The following CSMD2 variants were observed in gnomAD, a reference collection of about 807,000 sequenced individuals.
CSMD2 encodes the protein CUB and Sushi multiple domains 2.
In CSMD2, 130 loss-of-function variants were observed where a neutral mutation model predicts 398.5. That is an observed-to-expected ratio of 0.33 (90% CI 0.28 to 0.38). The LOEUF is 0.38. CSMD2 is among the 10% of genes least tolerant of loss of function. The probability of loss-of-function intolerance (pLI) is 1.00; values close to 1 mark genes in which losing one functional copy is unlikely to be tolerated. For synonymous variants in CSMD2, 1,828 were observed against 1,908.5 expected (o/e 0.96, Z 1.10); for missense variants, 3,829 against 4,764.9 (o/e 0.80, Z 5.78).
At chr1:33,884,580 C>G (rs764979145) in intron 5 of CSMD2, 1 of 152,364 alleles carries the variant, frequency 6.6e-6, no homozygotes, top group Non-Finnish European at 1.5e-5. Context: ...GCCTCATCAT[C>G]TCTCACCTGG....
At chr1:33,726,795 T>C (rs1646548790) in intron 15 of CSMD2, 110 bp from the exon 16 acceptor site, 3 of 1,223,266 alleles carry the variant, frequency 2.5e-6, no homozygotes, top group South Asian at 3.4e-5. Context: ...TTTGTTTTTA[T>C]GGAAAATTAC....
chr1:33,752,055 A>G (rs1228252530), intron 13 of CSMD2, among the ~76,000 whole-genome samples: 18 of 152,358 alleles, frequency 1.2e-4, no homozygotes, highest in Admixed American at 8.5e-4. Context: ...TATTTGAAGC[A>G]TAAGATTCAT....
chr1:33,541,407 A>C, intron 58 of CSMD2, 98 bp from the exon 59 acceptor site: 1 of 886,296 alleles, frequency 1.1e-6, no homozygotes, highest in Non-Finnish European at 1.8e-6. Flanking sequence ...CCAAGAAGGG[A>C]AACTGTCAGA....
chr1:33,712,751 A>G (rs1290368996), intron 21 of CSMD2, among the ~76,000 whole-genome samples: 1 of 152,200 alleles, frequency 6.6e-6, no homozygotes, highest in Admixed American at 6.5e-5. Context: ...TTTCCCAGAG[A>G]CTAAAGGAGC....
upstream of CSMD2, chr1:34,165,306 G>A (rs1300905278): frequency 8.3e-7 from 1 of 1,201,272 alleles, no homozygotes; most frequent in Non-Finnish European, 1.0e-6. Flanking sequence ...CGCTTCGCGG[G>A]GTTCGCGCCG....
chr1:33,577,686 AC>A (rs1329616753), intron 48 of CSMD2, among the ~76,000 whole-genome samples: 1 of 151,908 alleles, frequency 6.6e-6, no homozygotes, highest in African/African-American at 2.4e-5. Flanking sequence ...AACAACGGAA[AC>A]AAAACAAAAC....
chr1:33,557,412 C>T (rs908605293), intron 55 of CSMD2, among the ~76,000 whole-genome samples: 1 of 152,072 alleles, frequency 6.6e-6, no homozygotes, highest in African/African-American at 2.4e-5. Flanking sequence ...GAGATGATGT[C>T]CCGCGAGGCA....
chr1:34,010,909 G>A (rs1647259322), intron 3 of CSMD2, among the ~76,000 whole-genome samples: 1 of 152,226 alleles, frequency 6.6e-6, no homozygotes, highest in Non-Finnish European at 1.5e-5. Context: ...AGAGGCATGA[G>A]CCACCGCGCC....
intron 1 of CSMD2, among the ~76,000 whole-genome samples, chr1:34,111,899 GTC>G (rs1042853856): frequency 1.3e-5 from 2 of 152,114 alleles, no homozygotes; most frequent in African/African-American, 4.8e-5. Flanking sequence ...TTACAGCCCT[GTC>G]TCTGTCTCCC....
intron 56 of CSMD2, among the ~76,000 whole-genome samples, chr1:33,549,288 G>T (rs1397111610): frequency 6.6e-6 from 1 of 152,136 alleles, no homozygotes; most frequent in Non-Finnish European, 1.5e-5. Flanking sequence ...AAGGGTTACG[G>T]GTTAATTTCA....
intron 2 of CSMD2, among the ~76,000 whole-genome samples, chr1:34,074,570 A>G (rs1656102145): frequency 6.6e-6 from 1 of 152,190 alleles, no homozygotes; most frequent in African/African-American, 2.4e-5. Flanking sequence ...TCCAGAGAGC[A>G]TTGATTCATT....
intron 24 of CSMD2, among the ~76,000 whole-genome samples, chr1:33,697,905 T>G (rs1464005844): frequency 3.3e-5 from 5 of 152,220 alleles, no homozygotes; most frequent in African/African-American, 1.2e-4. Context: ...TTGGTAGGCA[T>G]GTATGTGTTT....
At chr1:33,867,553 C>A (rs552426728) in intron 5 of CSMD2, among the ~76,000 whole-genome samples, 3 of 152,216 alleles carry the variant, frequency 2.0e-5, no homozygotes, top group African/African-American at 7.2e-5. Context: ...TAATTTGTTA[C>A]ACAGCAATAG....
At chr1:33,674,140 C>T (rs1280449713) in intron 25 of CSMD2, among the ~76,000 whole-genome samples, 1 of 152,114 alleles carries the variant, frequency 6.6e-6, no homozygotes, top group Non-Finnish European at 1.5e-5. Context: ...GGGCTAAATG[C>T]TCCAATTAAA....
chr1:33,858,818 A>T (rs1460777895), intron 5 of CSMD2, among the ~76,000 whole-genome samples: 1 of 152,128 alleles, frequency 6.6e-6, no homozygotes, highest in African/African-American at 2.4e-5. Context: ...CCAGCAACTC[A>T]ACAGCTATTT....
chr1:34,160,878 T>C (rs538856300), intron 1 of CSMD2, among the ~76,000 whole-genome samples: 8 of 152,374 alleles, frequency 5.3e-5, no homozygotes, highest in African/African-American at 1.9e-4. Context: ...TTTGATTTTT[T>C]TAAAGCCATG....
intron 44 of CSMD2, among the ~76,000 whole-genome samples, chr1:33,595,894 C>CTTCT (rs1639805367): frequency 6.6e-6 from 1 of 152,208 alleles, no homozygotes; most frequent in Admixed American, 6.5e-5. Context: ...GCTCTGAAGC[C>CTTCT]TTCTCAGTAG....
At chr1:33,648,138 G>A (rs768165490) in intron 28 of CSMD2, among the ~76,000 whole-genome samples, 14 of 152,150 alleles carry the variant, frequency 9.2e-5, no homozygotes, top group East Asian at 7.7e-4. Context: ...TGAGGTGGGC[G>A]GATCACAAGG....
At position 33,634,845 on chromosome 1, in the gene CSMD2, C is replaced by G. The variant is rs529282590; in HGVS notation, c.5086+369G>C. Among the ~76,000 whole-genome samples the G allele has an allele frequency of 7.2e-5, 11 of 152,270 alleles. No individual in the cohort carries two copies. In the East Asian group the frequency reaches 9.7e-4, roughly 13 times the overall value. On this transcript the variant is annotated intron_variant, in intron 31 of 70. Transcript: ENST00000373381. Reference sequence around the variant, plus strand: ...CAGCTCCATCCCATTCCTCTCCTCCCTCCTGCTCCTTGGCCACTCACCCTG... The same window carrying G: ...CAGCTCCATCCCATTCCTCTCCTCCGTCCTGCTCCTTGGCCACTCACCCTG...
Sources: gnomAD v4.1 joint callset for allele counts (sites outside exome capture counted in the v4.1 genomes callset) on GRCh38, gnomAD v4.1.1 for gene constraint, MANE v1.5 for transcripts, NCBI Gene and HGNC (gene_info 2026-07-23, HGNC 2026-07-21) for gene names.